Variants in ZNF106 observed in about 807,000 individuals in gnomAD.
ZNF106 encodes the protein SH3-domain binding protein 3.
In ZNF106, 67 loss-of-function variants were observed where a neutral mutation model predicts 195.1. The observed-to-expected ratio is 0.34, with a 90% CI of 0.28 to 0.42. The LOEUF (loss-of-function observed/expected upper bound fraction) is 0.42. ZNF106 is among the 10% of genes least tolerant of loss of function. The pLI is 1.00. For synonymous variants in ZNF106, 784 were observed against 818.6 expected, an observed-to-expected ratio of 0.96 and a Z score of 0.72; for missense variants, 2,118 against 2,304.5, an observed-to-expected ratio of 0.92 and a Z score of 1.66.
Position 42,421,950 on chromosome 15 carries a change from G to A in ZNF106, c.5412C>T (p.Asp1804=), listed in dbSNP as rs761810599. The A allele has an allele frequency of 1.3e-6, 2 of 1,583,678 alleles. No individual in the cohort carries two copies. Among genetic ancestry groups the A allele is most frequent in the Admixed American group, 1.7e-5 (1 of 59,330 alleles). The change falls in exon 19 of 22, where the codon GAC becomes GAT. Residue 1804 remains aspartate (D), a synonymous_variant. Coordinates refer to ENST00000564754, the MANE Select transcript of ZNF106 (RefSeq NM_001366845.3). The part of the protein sequence containing the change: ...DRLQVYGGHK[D]MIMCMTIHKS... Reference sequence around the variant, plus strand: ...TATGGATGGTCATACACATAATCATGTCTTTGTGTCCTCCATAAACTTGTA... The same window carrying A: ...TATGGATGGTCATACACATAATCATATCTTTGTGTCCTCCATAAACTTGTA...
chr15:42,421,708 A>G (rs889095001), intron 19 of ZNF106, among the ~76,000 whole-genome samples: 7 of 152,190 alleles, frequency 4.6e-5, no homozygotes, highest in African/African-American at 1.7e-4. Flanking sequence ...ACTGTAGTTG[A>G]TACTACCATT....
In ZNF106 at chr15:42,450,964, A is replaced by G; in HGVS notation, c.1308T>C (p.Ser436=). The change falls in exon 5 of 22, where the codon TCT becomes TCC. Residue 436 remains serine, a synonymous_variant. Coordinates refer to ENST00000564754, the MANE Select transcript of ZNF106 (RefSeq NM_001366845.3). ...AATCAGAAGAGGCCTTGTGATTAAG[A>G]GATCCAGTATGTATTTCTTTTTGTG... ...QKTQKEIHTG[S]LNHKASSDSA... 2 of 1,614,186 alleles carry G rather than the reference A, an allele frequency of 1.2e-6. No individual in the cohort carries two copies. Among genetic ancestry groups the G allele is most frequent in the African/African-American group, 2.7e-5 (2 of 75,032 alleles).
chr15:42,466,031 T>A (rs187819244), intron 3 of ZNF106, 22 bp downstream of exon 3: 4 of 1,526,408 alleles, frequency 2.6e-6, no homozygotes, highest in African/African-American at 2.7e-5. Context: ...CACAAACTTA[T>A]GGAAGAGAGC....
intron 1 of ZNF106, among the ~76,000 whole-genome samples, chr15:42,475,335 G>T (rs575989405): frequency 6.6e-6 from 1 of 152,074 alleles, no homozygotes; most frequent in Non-Finnish European, 1.5e-5. Context: ...CCAGCTACTC[G>T]GGAGGCTGAG....
In ZNF106 at chr15:42,457,691, C is replaced by T. The variant is rs2056277077; in HGVS notation, c.117-533G>A. On this transcript the variant is annotated intron_variant, in intron 3 of 21. Transcript: ENST00000564754. ...CTGCCTGGAATGTGAGGATTCCGGA[C>T]CCCAGGAGTAGTCCAGGCAAACTTT... is the stretch of plus-strand genomic sequence containing the variant. The T allele has an allele frequency of 2.0e-5, 6 of 297,886 alleles. No homozygotes were observed. In the South Asian group the frequency reaches 3.6e-4, roughly 18 times the overall value. 18.5% of individuals were successfully genotyped at this position (297,886 alleles called of 1,614,324 possible).
At chr15:42,457,915 TG>T (rs2056284784) in intron 3 of ZNF106, among the ~76,000 whole-genome samples, 1 of 152,238 alleles carries the variant, frequency 6.6e-6, no homozygotes. Context: ...TGCTTTGTTT[TG>T]TTTTTTTACT....
intron 1 of ZNF106, among the ~76,000 whole-genome samples, chr15:42,481,140 ATTTTT>A (rs906926563): frequency 6.6e-6 from 1 of 151,782 alleles, no homozygotes; most frequent in Admixed American, 6.6e-5. Flanking sequence ...TGCTATAGTA[ATTTTT>A]TTTAAGAAAT....
At chr15:42,459,085 G>C (rs2056321770) in intron 3 of ZNF106, among the ~76,000 whole-genome samples, 1 of 152,086 alleles carries the variant, frequency 6.6e-6, no homozygotes, top group South Asian at 2.1e-4. Flanking sequence ...ATCAATACCT[G>C]ATTACCCAGA....
intron 1 of ZNF106, among the ~76,000 whole-genome samples, chr15:42,480,070 A>G (rs968933223): frequency 5.9e-5 from 9 of 152,222 alleles, no homozygotes; most frequent in African/African-American, 1.4e-4. Context: ...GCTAGTCTTG[A>G]ACTCCAGGGC....
At chr15:42,433,026 T>G (rs1013679865) in intron 14 of ZNF106, among the ~76,000 whole-genome samples, 5 of 152,176 alleles carry the variant, frequency 3.3e-5, no homozygotes, top group African/African-American at 1.2e-4. Context: ...GGTCTCCAAT[T>G]TGCTATTTGC....
intron 4 of ZNF106, among the ~76,000 whole-genome samples, chr15:42,455,285 C>T (rs929650119): frequency 5.9e-5 from 9 of 152,278 alleles, no homozygotes; most frequent in South Asian, 2.1e-4. Context: ...TGGGATATTA[C>T]GGGAATGGGA....
At chr15:42,472,501 T>C (rs779075304) in intron 1 of ZNF106, among the ~76,000 whole-genome samples, 180 bp from the exon 2 acceptor site, 1 of 152,118 alleles carries the variant, frequency 6.6e-6, no homozygotes, top group Non-Finnish European at 1.5e-5. Flanking sequence ...TCCTTCTTTT[T>C]CACCCCATAT....
rs534815000 is a variant in ZNF106, at chr15:42,476,197, G to A, written c.-32-3876C>T. On this transcript the variant is annotated intron_variant, in intron 1 of 21. Transcript: ENST00000564754. ...AGCAAAGTATTCAATCGATAAGGAA[G>A]ATTTAGTATTTAAACCCTGAGGTGA... Among the ~76,000 whole-genome samples the A allele has an allele frequency of 3.1e-3, 468 of 152,246 alleles. 1 individual carries two copies. Among genetic ancestry groups the A allele is most frequent in the African/African-American group, 0.011 (451 of 41,540 alleles).
In ZNF106 at chr15:42,449,812, T is replaced by G; in HGVS notation, c.2460A>C (p.Gln820His). 2 of 1,614,198 alleles carry G rather than the reference T, an allele frequency of 1.2e-6. No individual in the cohort carries two copies. The highest frequency in any genetic ancestry group is 2.2e-5 in the South Asian group (2 of 91,086). Residue 820 changes from glutamine to histidine, a missense_variant, in exon 5 of 22, where the codon CAA becomes CAC. Gln to His is a conservative substitution (Grantham distance 24, BLOSUM62 0). Transcript: ENST00000564754. ...RNVNWEQVIQ[Q>H]VTKKKQELGK... is the part of the protein sequence containing the mutation. ...CCAGCTCTTGCTTTTTCTTGGTTAC[T>G]TGCTGAATGACCTGTTCCCAGTTGA...
intron 15 of ZNF106, chr15:42,427,635 G>A (rs1320994349): frequency 6.3e-6 from 1 of 158,146 alleles, no homozygotes; most frequent in African/African-American, 2.4e-5. Context: ...TCCTTGTGCA[G>A]GGACCATGCT....
At chr15:42,483,331 C>G (rs1187871745) in intron 1 of ZNF106, among the ~76,000 whole-genome samples, 1 of 152,174 alleles carries the variant, frequency 6.6e-6, no homozygotes, top group Non-Finnish European at 1.5e-5. Context: ...CCAGCCTCTT[C>G]GAATGGCTCC....
rs2055836754 is a variant in ZNF106, at chr15:42,448,118, T to G, written c.3089A>C (p.Glu1030Ala). The change falls in exon 6 of 22, where the codon GAA becomes GCA. Residue 1030 changes from glutamate (E) to alanine (A), a missense_variant. Glu to Ala is a moderately radical substitution (Grantham distance 107). Coordinates refer to ENST00000564754, the MANE Select transcript of ZNF106 (RefSeq NM_001366845.3). ...ATDSSCTSGA[E>A]QNDGQSIRKK... ...TCTAATACTTTGGCCATCATTTTGT[T>G]CAGCACCAGAGGTACAGCTACTATC... 6.2e-7 allele frequency: 1 copy of G among 1,614,004 alleles called. No homozygotes were observed. The highest frequency in any genetic ancestry group is 8.5e-7 in the Non-Finnish European group (1 of 1,179,992).
At chr15:42,474,220 T>C (rs1320292453) in intron 1 of ZNF106, among the ~76,000 whole-genome samples, 1 of 152,246 alleles carries the variant, frequency 6.6e-6, no homozygotes, top group African/African-American at 2.4e-5. Context: ...ACAAGTGACA[T>C]CTGGAACATT....
rs1337177766 is a variant in ZNF106 at position 42,419,078 on chromosome 15, A to AAG, written c.5518-1128_5518-1127insCT. Among the ~76,000 whole-genome samples, 6 of 151,402 alleles carry AAG rather than the reference A, an allele frequency of 4.0e-5. No individual in the cohort carries two copies. The East Asian group carries it at 1.2e-3, about 29-fold the overall frequency. ...CTTTCTCTACCAAAAAAAAAAAAAA[A>AAG]AAAATACAGGCCGGGCGTGGTGGCT... On this transcript the variant is annotated intron_variant, in intron 20 of 21. Transcript: ENST00000564754.
Sources: allele counts gnomAD v4.1 joint callset (sites outside exome capture counted in the v4.1 genomes callset), GRCh38; gene constraint gnomAD v4.1.1; transcripts MANE v1.5; gene names NCBI Gene and HGNC (gene_info 2026-07-23, HGNC 2026-07-21).